HDAC4: variants seen among roughly 807,000 people sequenced by gnomAD.
The protein encoded by HDAC4 is histone deacetylase A.
In HDAC4, 16 loss-of-function variants were observed where a neutral mutation model predicts 135.1. The observed-to-expected ratio is 0.12, with a 90% CI of 0.08 to 0.18. The LOEUF (loss-of-function observed/expected upper bound fraction) is 0.18. Ranked by LOEUF, HDAC4 falls within the 10% of genes least tolerant of loss-of-function variation. HDAC4 has a pLI of 1.00. For missense variants in HDAC4, 1,143 were observed against 1,511.8 expected (o/e 0.76, Z 4.05); for synonymous variants, 685 against 653.4 (o/e 1.05, Z -0.74).
chr2:239,184,724 C>T (rs1475846183), intron 4 of HDAC4, among the ~76,000 whole-genome samples: 1 of 109,056 alleles, frequency 9.2e-6, no homozygotes, highest in Non-Finnish European at 1.9e-5. Flanking sequence ...GGGGGTCCCT[C>T]AGTGTCTGTC....
chr2:239,213,566 T>C (rs1331349624), intron 3 of HDAC4, among the ~76,000 whole-genome samples: 2 of 152,216 alleles, frequency 1.3e-5, no homozygotes, highest in Non-Finnish European at 2.9e-5. Context: ...TGCATCTGCA[T>C]AGTCACACCA....
intron 2 of HDAC4, among the ~76,000 whole-genome samples, chr2:239,249,948 C>T (rs1242809812): frequency 6.6e-6 from 1 of 152,204 alleles, no homozygotes; most frequent in Non-Finnish European, 1.5e-5. Flanking sequence ...CAGCTGTGCT[C>T]CTTCCTGCTG....
chr2:239,289,487 A>AT (rs1370061822), intron 2 of HDAC4, among the ~76,000 whole-genome samples: 2 of 152,282 alleles, frequency 1.3e-5, no homozygotes, highest in East Asian at 3.9e-4. Flanking sequence ...TCTAAGTAAC[A>AT]TTTTTTCCTT....
At chr2:239,098,568 C>A (rs970319705) in intron 16 of HDAC4, among the ~76,000 whole-genome samples, 5 of 152,252 alleles carry the variant, frequency 3.3e-5, no homozygotes, top group African/African-American at 1.2e-4. Context: ...TTCAGTGACG[C>A]CTAGGGCAGC....
At chr2:239,294,396 T>C (rs868418505) in intron 2 of HDAC4, among the ~76,000 whole-genome samples, 36 of 152,132 alleles carry the variant, frequency 2.4e-4, no homozygotes, top group Admixed American at 2.1e-3. Context: ...GATAGGCTGA[T>C]AGGGAGTCTG....
chr2:239,321,038 T>C (rs1575690251), intron 2 of HDAC4, among the ~76,000 whole-genome samples: 1 of 152,208 alleles, frequency 6.6e-6, no homozygotes, highest in African/African-American at 2.4e-5. Context: ...AACTACATAA[T>C]GTACTGTTAT....
At position 239,281,342 on chromosome 2, in the gene HDAC4, T is replaced by A. The variant is rs566436282; in HGVS notation, c.23-44678A>T. 3.7e-3 allele frequency among the ~76,000 whole-genome samples: 358 copies of A among 97,194 alleles called. 6 individuals carry two copies. Among genetic ancestry groups the A allele is most frequent in the African/African-American group, 0.012 (333 of 27,728 alleles). 63.8% of individuals were successfully genotyped at this position (97,194 alleles called of 152,430 possible). On this transcript the variant is annotated intron_variant, in intron 2 of 26. Transcript: ENST00000543185. ...TGTACACACCACTCTGCAAACAATG[T>A]ACACACCACTCTACAATGAACACAC...
chr2:239,068,919 T>C lies in HDAC4; in HGVS notation c.2751-312A>G, dbSNP rs866157960. On this transcript the variant is annotated intron_variant, in intron 22 of 26. Transcript: ENST00000543185. The surrounding 1 kb of genome is among the most constrained non-coding windows in gnomAD (Gnocchi z 4.4). ...ACTGCACTTGCTTGGTGAGAGGGAG[T>C]CACGGTGCAAGCCAGCAAGCCCCAC... 160 of 238,020 alleles carry C rather than the reference T, an allele frequency of 6.7e-4. 1 individual carries two copies. The African/African-American group carries it at 7.1e-3, about 10-fold the overall frequency. The allele number at this position is 238,020 out of a possible 1,614,324, so 14.7% of individuals were successfully genotyped here.
chr2:239,310,134 C>T (rs1246171860), intron 2 of HDAC4, among the ~76,000 whole-genome samples: 2 of 152,232 alleles, frequency 1.3e-5, no homozygotes, highest in Non-Finnish European at 2.9e-5. Context: ...GGGAATGGTC[C>T]GTGGCAGTCA....
chr2:239,396,985 T>A (rs113272146), intron 1 of HDAC4, among the ~76,000 whole-genome samples: 2 of 152,242 alleles, frequency 1.3e-5, no homozygotes, highest in Non-Finnish European at 2.9e-5. Context: ...AGTTCTGCAG[T>A]CCCACACGTG....
intron 1 of HDAC4, among the ~76,000 whole-genome samples, chr2:239,362,831 A>G (rs890965223): frequency 6.6e-6 from 1 of 152,244 alleles, no homozygotes; most frequent in East Asian, 1.9e-4. Context: ...CAAGAAAAGA[A>G]AAGAAAGCAA....
Position 239,307,697 on chromosome 2 carries a change from C to T in HDAC4, c.22+44981G>A, listed in dbSNP as rs748979353. On this transcript the variant is annotated intron_variant, in intron 2 of 26. Coordinates refer to ENST00000543185, the MANE Select transcript of HDAC4 (RefSeq NM_001378414.1). The surrounding 1 kb of genome is among the most constrained non-coding windows in gnomAD (Gnocchi z 4.8). ...CTCACTCAGATGACGTTCTCATGACCGCACTTGGTCTAAGCAAATGCTGCT... is the reference window on the plus strand; with the variant it reads ...CTCACTCAGATGACGTTCTCATGACTGCACTTGGTCTAAGCAAATGCTGCT... Among the ~76,000 whole-genome samples the T allele has an allele frequency of 8.5e-5, 13 of 152,136 alleles. No homozygotes were observed. Among genetic ancestry groups the T allele is most frequent in the Admixed American group, 1.3e-4 (2 of 15,282 alleles).
intron 23 of HDAC4, among the ~76,000 whole-genome samples, chr2:239,067,910 TC>T: frequency 6.6e-6 from 1 of 152,150 alleles, no homozygotes. Context: ...CCTCGGGGAC[TC>T]CAGGGTGGGG....
intron 7 of HDAC4, among the ~76,000 whole-genome samples, chr2:239,145,873 C>A (rs1420114292): frequency 6.6e-6 from 1 of 152,230 alleles, no homozygotes; most frequent in Admixed American, 6.5e-5. Flanking sequence ...TTGGGACGTG[C>A]AGACAGCCCA....
intron 17 of HDAC4, chr2:239,094,356 C>T (rs746427688): frequency 1.0e-5 from 10 of 985,434 alleles, no homozygotes; most frequent in Non-Finnish European, 1.2e-5. Flanking sequence ...GGGCAGATGC[C>T]CAGACTGGAA....
intron 2 of HDAC4, among the ~76,000 whole-genome samples, chr2:239,281,317 T>G (rs1407151247): frequency 9.3e-6 from 1 of 107,100 alleles, no homozygotes; most frequent in African/African-American, 3.2e-5. Context: ...CTACACACAA[T>G]GTACACACCA....
At chr2:239,300,143 C>G (rs925201317) in intron 2 of HDAC4, among the ~76,000 whole-genome samples, 1 of 152,190 alleles carries the variant, frequency 6.6e-6, no homozygotes, top group Non-Finnish European at 1.5e-5. Context: ...CAGCAACACA[C>G]TGATGCTGGC....
intron 1 of HDAC4, among the ~76,000 whole-genome samples, chr2:239,378,630 G>A (rs13391267): frequency 0.034 from 5,211 of 152,102 alleles, 290 homozygotes; most frequent in African/African-American, 0.12. Flanking sequence ...CAAGAACCCC[G>A]GGAACCAAGA....
chr2:239,059,232 C>T (rs751464908), intron 24 of HDAC4, among the ~76,000 whole-genome samples: 2 of 152,158 alleles, frequency 1.3e-5, no homozygotes, highest in Non-Finnish European at 2.9e-5. Flanking sequence ...CTGCACACAT[C>T]AGGAAAGACT....
Sources: allele counts gnomAD v4.1 joint callset (sites outside exome capture counted in the v4.1 genomes callset), GRCh38; gene constraint gnomAD v4.1.1; non-coding constraint Gnocchi (gnomAD v3.1); transcripts MANE v1.5; gene names NCBI Gene and HGNC (gene_info 2026-07-23, HGNC 2026-07-21).